The following MICU3 variants were observed in gnomAD, a reference collection of about 807,000 sequenced individuals.
MICU3 encodes the protein calcium uptake protein 3, mitochondrial.
In MICU3, 62 loss-of-function variants were observed where a neutral mutation model predicts 66.5. The observed-to-expected ratio is 0.93, with a 90% CI of 0.76 to 1.15. The LOEUF (loss-of-function observed/expected upper bound fraction) is 1.15. Ranked by LOEUF, MICU3 falls within the 50% of genes most tolerant of loss-of-function variation. The probability of loss-of-function intolerance (pLI) is 0.00; values close to 1 mark genes in which losing one functional copy is unlikely to be tolerated. For synonymous variants in MICU3, 308 were observed against 240.7 expected, an observed-to-expected ratio of 1.28 and a Z score of -2.59; for missense variants, 779 against 664.4, an observed-to-expected ratio of 1.17 and a Z score of -1.90.
At chr8:17,077,752 C>T in intron 3 of MICU3, 31 bp from the exon 4 acceptor site, 2 of 1,460,804 alleles carry the variant, frequency 1.4e-6, no homozygotes, top group Non-Finnish European at 9.5e-7. Flanking sequence ...AGTTGTTTAC[C>T]AATTCATCAG....
At chr8:17,033,705 G>A (rs1468034248) in intron 1 of MICU3, among the ~76,000 whole-genome samples, 1 of 152,118 alleles carries the variant, frequency 6.6e-6, no homozygotes, top group African/African-American at 2.4e-5. Context: ...CCAAATTGCT[G>A]GGATTACAGT....
chr8:17,101,876 A>G (rs1801285041), intron 9 of MICU3, among the ~76,000 whole-genome samples: 1 of 151,934 alleles, frequency 6.6e-6, no homozygotes, highest in Non-Finnish European at 1.5e-5. Flanking sequence ...CCTGAAATAT[A>G]TTTGACAAAA....
intron 1 of MICU3, among the ~76,000 whole-genome samples, chr8:17,043,194 C>T (rs1385208509): frequency 6.6e-6 from 1 of 152,000 alleles, no homozygotes; most frequent in Non-Finnish European, 1.5e-5. Context: ...CCGCCTCGGC[C>T]TCCCAAATGG....
chr8:17,136,557 C>G, the MICU3 span, among the ~76,000 whole-genome samples: 1,565 of 152,192 alleles, frequency 0.01, 27 homozygotes, highest in African/African-American at 0.036. Context: ...CCTCTGCTCA[C>G]TCATGGCTCT....
At chr8:17,087,089 AT>A in intron 7 of MICU3, 54 bp downstream of exon 7, 1 of 1,126,422 alleles carries the variant, frequency 8.9e-7, no homozygotes, top group East Asian at 2.4e-5. Flanking sequence ...CAATTATTTT[AT>A]TCATGTTAAG....
Position 17,038,138 on chromosome 8 carries a change from T to C in MICU3, c.381+10478T>C, listed in dbSNP as rs372813660. Among the ~76,000 whole-genome samples the C allele has an allele frequency of 9.3e-4, 141 of 152,258 alleles. 1 individual carries two copies. The highest frequency in any genetic ancestry group is 3.3e-3 in the African/African-American group (139 of 41,560). On this transcript the variant is annotated intron_variant, in intron 1 of 14. Coordinates refer to ENST00000318063, the MANE Select transcript of MICU3 (RefSeq NM_181723.3). ...AATGAGTTAAGACTTTGGGGGACTG[T>C]TGGAAGGCACGATCAATTTTGTAAT... is the stretch of plus-strand genomic sequence containing the variant.
intron 2 of MICU3, among the ~76,000 whole-genome samples, chr8:17,065,890 A>G (rs1818598777): frequency 6.6e-6 from 1 of 152,138 alleles, no homozygotes. Context: ...ACTTTTGATT[A>G]TGCAAGATTT....
At position 17,066,523 on chromosome 8, in the gene MICU3, A is replaced by C. The variant is rs1317487376; in HGVS notation, c.535+2286A>C. Among the ~76,000 whole-genome samples, 62 of 127,630 alleles carry C rather than the reference A, an allele frequency of 4.9e-4. No homozygotes were observed. The East Asian group carries it at 0.013, about 26-fold the overall frequency. The allele number at this position is 127,630 out of a possible 152,430, so 83.7% of individuals were successfully genotyped here. A position where few individuals can be genotyped will look rare whatever the true frequency, so the allele number is the denominator to read the frequency against. On this transcript the variant is annotated intron_variant, in intron 2 of 14. Coordinates refer to ENST00000318063, the MANE Select transcript of MICU3 (RefSeq NM_181723.3). ...TTAAGTGATTGTTAATAATCTATAT[A>C]TATATATATATATATATAGATTTTT...
At chr8:17,055,821 A>G (rs79090217) in intron 1 of MICU3, among the ~76,000 whole-genome samples, 133 of 152,290 alleles carry the variant, frequency 8.7e-4, no homozygotes, top group African/African-American at 3.0e-3. Flanking sequence ...GAGCCATTAC[A>G]TTTGAGGAAG....
chr8:17,116,538 G>A lies in MICU3; in HGVS notation c.1462G>A (p.Asp488Asn). Residue 488 changes from aspartate (D) to asparagine (N), a missense_variant, in exon 13 of 15, where the codon GAT (aspartate) becomes AAT (asparagine). Asp to Asn is a conservative substitution (Grantham distance 23, BLOSUM62 1). Coordinates refer to ENST00000318063, the MANE Select transcript of MICU3 (RefSeq NM_181723.3). Reference protein sequence around the residue: ...VFKIFDVDKDDQLSYKEFIGI... With the variant: ...VFKIFDVDKDNQLSYKEFIGI... Reference sequence around the variant, plus strand: ...CAAGATTTTTGATGTTGACAAAGATGATCAATTAAGTTATAAAGAATTTAT... The same window carrying A: ...CAAGATTTTTGATGTTGACAAAGATAATCAATTAAGTTATAAAGAATTTAT... The A allele has an allele frequency of 6.4e-7, 1 of 1,565,652 alleles. No homozygotes were observed. Among genetic ancestry groups the A allele is most frequent in the East Asian group, 2.3e-5 (1 of 42,766 alleles).
intron 1 of MICU3, among the ~76,000 whole-genome samples, chr8:17,060,666 G>A (rs1563311334): frequency 6.6e-6 from 1 of 152,164 alleles, no homozygotes; most frequent in Admixed American, 6.5e-5. Context: ...GTGTGTTTTA[G>A]TAGACTGTGT....
chr8:17,107,040 TTACC>T (rs1177839668), intron 11 of MICU3, among the ~76,000 whole-genome samples: 1 of 152,146 alleles, frequency 6.6e-6, no homozygotes, highest in African/African-American at 2.4e-5. Flanking sequence ...TTTCATTTGT[TTACC>T]TAGCAGATAT....
chr8:17,078,285 A>G (rs1015874573), intron 4 of MICU3, among the ~76,000 whole-genome samples: 3 of 152,082 alleles, frequency 2.0e-5, no homozygotes, highest in Non-Finnish European at 4.4e-5. Context: ...ACTAATTAAC[A>G]GGAAAAATTT....
intron 5 of MICU3, among the ~76,000 whole-genome samples, chr8:17,082,544 TC>T (rs1821352576): frequency 6.6e-6 from 1 of 152,150 alleles, no homozygotes; most frequent in Admixed American, 6.6e-5. Flanking sequence ...GAATGCAAGG[TC>T]CATTATGGCA....
At chr8:17,110,671 C>T (rs143427777) in intron 11 of MICU3, among the ~76,000 whole-genome samples, 2 of 152,214 alleles carry the variant, frequency 1.3e-5, no homozygotes, top group Non-Finnish European at 2.9e-5. Context: ...TCAAGTGATT[C>T]TCCCACCTTA....
rs143893170 is a variant in MICU3 at position 17,057,430 on chromosome 8, T to C, written c.382-6654T>C. 7.3e-3 allele frequency among the ~76,000 whole-genome samples: 1,112 copies of C among 152,280 alleles called. 4 individuals are homozygous for C. Among genetic ancestry groups the C allele is most frequent in the Non-Finnish European group, 0.013 (855 of 68,020 alleles). On this transcript the variant is annotated intron_variant, in intron 1 of 14. Coordinates refer to ENST00000318063, the MANE Select transcript of MICU3 (RefSeq NM_181723.3). The stretch of plus-strand genomic sequence containing the variant: ...ACCTCCAACCTGGAACAGGATTGGT[T>C]CCAAAACTTATATGAAAACAATAAT...
intron 11 of MICU3, among the ~76,000 whole-genome samples, chr8:17,112,624 G>A (rs1263069362): frequency 6.6e-6 from 1 of 152,224 alleles, no homozygotes; most frequent in African/African-American, 2.4e-5. Context: ...TGAGAACCAT[G>A]TGTTGAAAAA....
chr8:17,114,525 A>G (rs1002135134), intron 12 of MICU3, among the ~76,000 whole-genome samples: 1 of 152,190 alleles, frequency 6.6e-6, no homozygotes, highest in Admixed American at 6.5e-5. Context: ...CAGCAGAGCC[A>G]CCTCTTAGCC....
rs1811216934 is a variant in MICU3 at position 17,027,592 on chromosome 8, A to G, written c.313A>G (p.Thr105Ala). Residue 105 changes from threonine (T) to alanine (A), a missense_variant, in exon 1 of 15, where the codon ACG (threonine) becomes GCG (alanine). Transcript: ENST00000318063. ...ATGRPSKSAA[T>A]EPEDPPRGRG... ...CGGGCGACCCTCAAAGAGCGCGGCCACGGAGCCCGAGGACCCGCCCCGCGG... is the reference window on the plus strand; with the variant it reads ...CGGGCGACCCTCAAAGAGCGCGGCCGCGGAGCCCGAGGACCCGCCCCGCGG... 3.9e-6 allele frequency: 5 copies of G among 1,298,006 alleles called. No homozygotes were observed. The highest frequency in any genetic ancestry group is 1.5e-5 in the African/African-American group (1 of 64,872). 80.4% of individuals were successfully genotyped at this position (1,298,006 alleles called of 1,614,324 possible). A position where few individuals can be genotyped will look rare whatever the true frequency, so the allele number is the denominator to read the frequency against.
Sources: allele counts gnomAD v4.1 joint callset (sites outside exome capture counted in the v4.1 genomes callset), GRCh38; gene constraint gnomAD v4.1.1; transcripts MANE v1.5; gene names NCBI Gene and HGNC (gene_info 2026-07-23, HGNC 2026-07-21).